OPN5: variants seen among roughly 807,000 people sequenced by gnomAD.
OPN5 encodes opsin 5.
Under a neutral mutation model 41.7 loss-of-function variants are expected in OPN5, and 18 were observed. The ratio of observed to expected loss-of-function variants is 0.43; its 90% CI spans 0.30 to 0.64. The LOEUF (loss-of-function observed/expected upper bound fraction) is 0.64, where lower values mean the gene tolerates loss of function less well. Ranked by LOEUF, OPN5 falls within the 30% of genes least tolerant of loss-of-function variation. OPN5 has a pLI of 0.13. For synonymous variants in OPN5, 178 were observed against 164.3 expected (o/e 1.08, Z -0.64); for missense variants, 318 against 434.5 (o/e 0.73, Z 2.38).
chr6:47,786,753 G>C (rs528909147), intron 2 of OPN5, 119 bp downstream of exon 2: 2 of 854,018 alleles, frequency 2.3e-6, no homozygotes, highest in Non-Finnish European at 3.6e-6. Context: ...TCCACTCTTC[G>C]CTTCACAAAT....
In OPN5 at chr6:47,795,220, C is replaced by T. The variant is rs747997888; in HGVS notation, c.422-9C>T. On this transcript the variant is annotated splice_polypyrimidine_tract_variant and intron_variant, in intron 3 of 6. Transcript: ENST00000371211. The stretch of plus-strand genomic sequence containing the variant: ...TTACATCCGGGTAATGCTTTTCTTC[C>T]GCCTCCAGGGGTTTGGCTGAAAAGA... 83 of 1,568,778 alleles carry T rather than the reference C, an allele frequency of 5.3e-5. No homozygotes were observed. In the South Asian group the frequency reaches 5.7e-4, roughly 11 times the overall value.
intron 4 of OPN5, among the ~76,000 whole-genome samples, chr6:47,800,405 C>A (rs572009124): frequency 6.6e-6 from 1 of 152,184 alleles, no homozygotes; most frequent in South Asian, 2.1e-4. Context: ...TGCGTCTGCC[C>A]AGGTGGGGCC....
chr6:47,795,248 G>A (rs1169342777), exon 4 of OPN5: 1 of 1,599,588 alleles, frequency 6.3e-7, no homozygotes. Flanking sequence ...TGAAAAGAAA[G>A]CACGCCTACA....
At chr6:47,802,618 C>T (rs1031447108) in intron 4 of OPN5, among the ~76,000 whole-genome samples, 1 of 152,114 alleles carries the variant, frequency 6.6e-6, no homozygotes, top group Non-Finnish European at 1.5e-5. Context: ...TTACTAGAAC[C>T]ACATGGCCTT....
intron 6 of OPN5, among the ~76,000 whole-genome samples, chr6:47,821,276 G>A (rs1762614517): frequency 6.6e-6 from 1 of 152,246 alleles, no homozygotes; most frequent in African/African-American, 2.4e-5. Flanking sequence ...ACTGTAGATA[G>A]TCTCACTACC....
chr6:47,795,858 A>T (rs1484551869), intron 4 of OPN5, among the ~76,000 whole-genome samples: 1 of 151,842 alleles, frequency 6.6e-6, no homozygotes, highest in African/African-American at 2.4e-5. Flanking sequence ...TTTGGGGCTT[A>T]TCTGCTCTGC....
At chr6:47,824,257 G>A in exon 7 of OPN5, 1 of 513,634 alleles carries the variant, frequency 1.9e-6, no homozygotes, top group East Asian at 3.0e-5. Context: ...ATCCTGCAGT[G>A]CACACCTCGG....
At chr6:47,797,755 T>C (rs1214288241) in intron 4 of OPN5, among the ~76,000 whole-genome samples, 1 of 152,226 alleles carries the variant, frequency 6.6e-6, no homozygotes, top group African/African-American at 2.4e-5. Flanking sequence ...CTTGACACTT[T>C]GTTGGCCTTG....
intron 6 of OPN5, 112 bp from the exon 7 acceptor site, chr6:47,823,871 G>T: frequency 2.5e-6 from 2 of 792,632 alleles, no homozygotes; most frequent in Non-Finnish European, 4.4e-6. Flanking sequence ...TCGCAATCCT[G>T]GTTCTTTTGG....
At chr6:47,782,887 G>A (rs969761289) in intron 1 of OPN5, among the ~76,000 whole-genome samples, 1 of 152,066 alleles carries the variant, frequency 6.6e-6, no homozygotes, top group African/African-American at 2.4e-5. Flanking sequence ...TTGCTGTAGT[G>A]TAAATACTCA....
intron 2 of OPN5, 120 bp from the exon 3 acceptor site, chr6:47,791,682 G>GGTGT (rs1038168045): frequency 2.8e-6 from 2 of 719,702 alleles, no homozygotes; most frequent in African/African-American, 3.5e-5. Context: ...TGTAATCAAG[G>GGTGT]GTGTGTGTGT....
At chr6:47,791,713 G>A in intron 2 of OPN5, 89 bp from the exon 3 acceptor site, 1 of 1,039,116 alleles carries the variant, frequency 9.6e-7, no homozygotes, top group Non-Finnish European at 1.5e-6. Context: ...GTGTCCCCGT[G>A]CTTTAGGGGA....
intron 4 of OPN5, among the ~76,000 whole-genome samples, chr6:47,802,290 A>T (rs1386933786): frequency 6.6e-6 from 1 of 152,080 alleles, no homozygotes; most frequent in African/African-American, 2.4e-5. Flanking sequence ...TCTCAGTCAC[A>T]GTTTTGGGTA....
chr6:47,806,866 C>T (rs1773986350), intron 4 of OPN5, among the ~76,000 whole-genome samples: 1 of 152,108 alleles, frequency 6.6e-6, no homozygotes, highest in African/African-American at 2.4e-5. Flanking sequence ...CTTTGTAACT[C>T]TCCTCAGTAG....
Position 47,795,220 on chromosome 6 carries a change from C to A in OPN5, c.422-9C>A. ...TTACATCCGGGTAATGCTTTTCTTC[C>A]GCCTCCAGGGGTTTGGCTGAAAAGA... On this transcript the variant is annotated splice_polypyrimidine_tract_variant and intron_variant, in intron 3 of 6. Transcript: ENST00000371211. 1 of 1,568,896 alleles carries A rather than the reference C, an allele frequency of 6.4e-7. No individual in the cohort carries two copies. The highest frequency in any genetic ancestry group is 8.6e-7 in the Non-Finnish European group (1 of 1,156,078).
At chr6:47,818,201 A>AG (rs1008744628) in intron 6 of OPN5, among the ~76,000 whole-genome samples, 7 of 152,172 alleles carry the variant, frequency 4.6e-5, no homozygotes, top group African/African-American at 1.7e-4. Flanking sequence ...AATTAGTTAG[A>AG]GGGGGAAAAA....
At chr6:47,810,969 T>C (rs1774174911) in intron 5 of OPN5, among the ~76,000 whole-genome samples, 1 of 152,184 alleles carries the variant, frequency 6.6e-6, no homozygotes, top group African/African-American at 2.4e-5. Flanking sequence ...GTTGTTTAAT[T>C]GTTTACCTCT....
chr6:47,821,835 C>A (rs1762632716), intron 6 of OPN5, among the ~76,000 whole-genome samples: 2 of 152,074 alleles, frequency 1.3e-5, no homozygotes, highest in Non-Finnish European at 2.9e-5. Flanking sequence ...GCAGGTGAGG[C>A]CAGGCATGGT....
At chr6:47,792,373 G>A (rs1173491931) in intron 3 of OPN5, among the ~76,000 whole-genome samples, 1 of 152,184 alleles carries the variant, frequency 6.6e-6, no homozygotes, top group Admixed American at 6.5e-5. Context: ...TTCTCCCTTA[G>A]GACTCACGCT....
Sources: allele counts gnomAD v4.1 joint callset (sites outside exome capture counted in the v4.1 genomes callset), GRCh38; gene constraint gnomAD v4.1.1; transcripts MANE v1.5; gene names NCBI Gene and HGNC (gene_info 2026-07-23, HGNC 2026-07-21).